The following DIAPH3 variants were observed in gnomAD, a reference collection of about 807,000 sequenced individuals.
DIAPH3 encodes the protein protein diaphanous homolog 3.
In DIAPH3, 117 loss-of-function variants were observed where a neutral mutation model predicts 144.3. The observed-to-expected ratio is 0.81, with a 90% CI of 0.70 to 0.95. The LOEUF (loss-of-function observed/expected upper bound fraction) is 0.95. Ranked by LOEUF, DIAPH3 falls within the 40% of genes least tolerant of loss-of-function variation. The probability of loss-of-function intolerance (pLI) is 0.00; values close to 1 mark genes in which losing one functional copy is unlikely to be tolerated. For missense variants in DIAPH3, 1,421 were observed against 1,412.7 expected (o/e 1.01, Z -0.09); for synonymous variants, 519 against 488.9 (o/e 1.06, Z -0.81).
rs566836552 is a variant in DIAPH3 at position 59,912,865 on chromosome 13, G to T, written c.2266-1029C>A. Among the ~76,000 whole-genome samples the T allele has an allele frequency of 3.3e-5, 5 of 152,078 alleles. No homozygotes were observed. The South Asian group carries it at 8.3e-4, about 25-fold the overall frequency. ...ATACATCAAAATCAATTAGATCAAAGAATAAGTTATTGACTCACTGTGTAC... is the reference window on the plus strand; with the variant it reads ...ATACATCAAAATCAATTAGATCAAATAATAAGTTATTGACTCACTGTGTAC... On this transcript the variant is annotated intron_variant, in intron 19 of 27. Transcript: ENST00000400324.
At chr13:60,130,947 G>A (rs973577839) in intron 2 of DIAPH3, among the ~76,000 whole-genome samples, 2 of 152,220 alleles carry the variant, frequency 1.3e-5, no homozygotes, top group Non-Finnish European at 2.9e-5. Context: ...CATGGCTTCT[G>A]GAATGGCATG....
At chr13:59,952,121 ATAT>A (rs1322679123) in intron 17 of DIAPH3, among the ~76,000 whole-genome samples, 1 of 152,168 alleles carries the variant, frequency 6.6e-6, no homozygotes, top group East Asian at 1.9e-4. Flanking sequence ...ATACTCAAAA[ATAT>A]TATGTAAAGT....
chr13:59,971,984 C>A (rs1027113737), intron 15 of DIAPH3, among the ~76,000 whole-genome samples: 2 of 152,180 alleles, frequency 1.3e-5, no homozygotes, highest in African/African-American at 4.8e-5. Context: ...TAGCTCTTAT[C>A]AAAAGTGAGA....
At chr13:59,838,783 C>G (rs1301305459) in intron 23 of DIAPH3, 1 of 154,540 alleles carries the variant, frequency 6.5e-6, no homozygotes, top group East Asian at 1.9e-4. Flanking sequence ...ATTATCTAAG[C>G]TGATAAAAAG....
At chr13:59,849,823 A>AC (rs1453971087) in intron 22 of DIAPH3, among the ~76,000 whole-genome samples, 1 of 129,294 alleles carries the variant, frequency 7.7e-6, no homozygotes, top group Non-Finnish European at 1.6e-5. Context: ...TTCCATATGA[A>AC]CTTTAAAGTA....
chr13:60,163,574 A>G lies in DIAPH3; in HGVS notation c.180+13T>C. On this transcript the variant is annotated intron_variant, in intron 1 of 27. Coordinates refer to ENST00000400324, the MANE Select transcript of DIAPH3 (RefSeq NM_001042517.2). ...GCGGGAGCGGCCCCACCCTAGCTCC[A>G]GGCGATACTCACAAACTTGGGGCGC... 1.9e-6 allele frequency: 3 copies of G among 1,576,554 alleles called. No homozygotes were observed. The highest frequency in any genetic ancestry group is 1.7e-6 in the Non-Finnish European group (2 of 1,157,736).
intron 21 of DIAPH3, among the ~76,000 whole-genome samples, chr13:59,871,165 C>A (rs1271830100): frequency 7.0e-6 from 1 of 141,854 alleles, no homozygotes; most frequent in Non-Finnish European, 1.5e-5. Flanking sequence ...CTTAACAGTT[C>A]CAGGAGGTTT....
At chr13:59,938,339 T>A (rs1206657062) in intron 17 of DIAPH3, among the ~76,000 whole-genome samples, 1 of 152,182 alleles carries the variant, frequency 6.6e-6, no homozygotes, top group Non-Finnish European at 1.5e-5. Flanking sequence ...CGGCTTGCAG[T>A]GGCACAGGCC....
intron 24 of DIAPH3, among the ~76,000 whole-genome samples, chr13:59,817,757 T>C (rs1261001958): frequency 6.6e-6 from 1 of 151,986 alleles, no homozygotes; most frequent in Non-Finnish European, 1.5e-5. Flanking sequence ...TTAGAATTTA[T>C]ACTTGATATT....
intron 17 of DIAPH3, among the ~76,000 whole-genome samples, chr13:59,954,305 G>A (rs1040564135): frequency 1.3e-5 from 2 of 151,994 alleles, no homozygotes; most frequent in Non-Finnish European, 1.5e-5. Flanking sequence ...CATCCCTGGG[G>A]TTATTATGCA....
At chr13:59,969,545 C>T (rs1030048197) in intron 17 of DIAPH3, among the ~76,000 whole-genome samples, 2 of 152,102 alleles carry the variant, frequency 1.3e-5, no homozygotes, top group Admixed American at 6.6e-5. Flanking sequence ...TCTCCTAGCT[C>T]CCCTAGTCAC....
chr13:59,750,021 T>G (rs966997072), intron 27 of DIAPH3, among the ~76,000 whole-genome samples: 1 of 152,176 alleles, frequency 6.6e-6, no homozygotes, highest in Admixed American at 6.5e-5. Flanking sequence ...CTTCCTTCCC[T>G]CTTGGTCAAT....
At position 59,931,025 on chromosome 13, in the gene DIAPH3, C is replaced by G. The variant is rs182924922; in HGVS notation, c.2075-6155G>C. Among the ~76,000 whole-genome samples, 7 of 152,288 alleles carry G rather than the reference C, an allele frequency of 4.6e-5. No homozygotes were observed. In the East Asian group the frequency reaches 1.4e-3, roughly 29 times the overall value. ...TTTGGATGTCTAATGAGCACCTGTACTTAACATGCCCAAAAGCAAACTCCT... is the reference window on the plus strand; with the variant it reads ...TTTGGATGTCTAATGAGCACCTGTAGTTAACATGCCCAAAAGCAAACTCCT... On this transcript the variant is annotated intron_variant, in intron 17 of 27. Transcript: ENST00000400324.
intron 4 of DIAPH3, among the ~76,000 whole-genome samples, chr13:60,065,991 T>C (rs1286301413): frequency 6.6e-6 from 1 of 152,120 alleles, no homozygotes; most frequent in African/African-American, 2.4e-5. Flanking sequence ...TATATCAAAA[T>C]AAAATGTCAT....
intron 27 of DIAPH3, among the ~76,000 whole-genome samples, chr13:59,729,808 A>ATTTTTTTTTTTTTTTTTTTTTT (rs202135165): frequency 2.6e-5 from 3 of 115,212 alleles, no homozygotes; most frequent in African/African-American, 7.0e-5. Flanking sequence ...GAATACATTA[A>ATTTTTTTTTTTTTTTTTTTTTT]TATTTTTTTT....
intron 2 of DIAPH3, among the ~76,000 whole-genome samples, chr13:60,113,912 C>T (rs578241331): frequency 6.6e-6 from 1 of 152,320 alleles, no homozygotes; most frequent in East Asian, 1.9e-4. Flanking sequence ...CTAGTCTTCA[C>T]CAACTGAATG....
intron 27 of DIAPH3, among the ~76,000 whole-genome samples, chr13:59,700,386 T>C (rs1792946419): frequency 6.6e-6 from 1 of 152,198 alleles, no homozygotes; most frequent in African/African-American, 2.4e-5. Flanking sequence ...AGACACACAC[T>C]AATTCCTTTA....
chr13:59,947,825 A>C (rs985903985), intron 17 of DIAPH3, among the ~76,000 whole-genome samples: 2 of 152,166 alleles, frequency 1.3e-5, no homozygotes, highest in Non-Finnish European at 2.9e-5. Context: ...CAATTCAGAA[A>C]AATAAATTAA....
intron 27 of DIAPH3, among the ~76,000 whole-genome samples, chr13:59,744,061 C>T (rs529168222): frequency 6.0e-4 from 91 of 152,188 alleles, no homozygotes; most frequent in African/African-American, 1.4e-3. Flanking sequence ...AACAACTATA[C>T]GGGTCCTGGT....
Sources: allele counts gnomAD v4.1 joint callset (sites outside exome capture counted in the v4.1 genomes callset), GRCh38; gene constraint gnomAD v4.1.1; transcripts MANE v1.5; gene names NCBI Gene and HGNC (gene_info 2026-07-23, HGNC 2026-07-21).